The following BMS1 variants were observed in gnomAD, a reference collection of about 807,000 sequenced individuals.
BMS1 encodes BMS1 ribosome biogenesis factor, also known as ribosome biogenesis protein BMS1 homolog.
BMS1 carries 53 observed loss-of-function variants against 138.7 expected under a neutral mutation model. The observed-to-expected ratio is 0.38, with a 90% CI of 0.31 to 0.48. BMS1 has a LOEUF of 0.48. Ranked by LOEUF, BMS1 falls within the 20% of genes least tolerant of loss-of-function variation. The pLI, the probability that BMS1 is intolerant of heterozygous loss-of-function variation, is 0.97. For synonymous variants in BMS1, 504 were observed against 539.9 expected, an observed-to-expected ratio of 0.93 and a Z score of 0.92; for missense variants, 1,360 against 1,565.5, an observed-to-expected ratio of 0.87 and a Z score of 2.22.
Position 42,798,570 on chromosome 10 carries a change from C to T in BMS1, c.2192C>T (p.Ser731Phe), listed in dbSNP as rs1439227933. The part of the protein sequence containing the change: ...PDRECKHKAD[S>F]LDCSRFLVEA... ...AGAGAGTGTAAGCACAAGGCTGACTCTTTGGACTGCTCCAGATTTCTTGTG... is the reference window on the plus strand; with the variant it reads ...AGAGAGTGTAAGCACAAGGCTGACTTTTTGGACTGCTCCAGATTTCTTGTG... Residue 731 changes from serine to phenylalanine, a missense_variant, in exon 12 of 23, where the codon TCT becomes TTT. Physicochemically the swap from Ser to Phe is radical, Grantham distance 155. Coordinates refer to ENST00000374518, the MANE Select transcript of BMS1 (RefSeq NM_014753.4). 1.9e-6 allele frequency: 3 copies of T among 1,614,130 alleles called. No individual in the cohort carries two copies. In the African/African-American group the frequency reaches 4.0e-5, roughly 22 times the overall value.
At position 42,796,865 on chromosome 10, in the gene BMS1, A is replaced by T. The variant is rs768989153; in HGVS notation, c.1621A>T (p.Lys541Ter). ...AGGAGAGAAGGGCATTTCAGGATCA[A>T]AGGCTGCTGGAGAAGGTAGTAAAGC... Reference protein sequence around the residue: ...TAGEKGISGSKAAGEGSKAGL... With the variant: ...TAGEKGISGS Residue 541 changes from lysine (K) to a stop codon, truncating the protein, a stop_gained, in exon 10 of 23, where the codon AAG becomes TAG. Transcript: ENST00000374518. LOFTEE classifies it high-confidence loss of function. The T allele has an allele frequency of 6.2e-7, 1 of 1,614,236 alleles. No individual in the cohort carries two copies. Among genetic ancestry groups the T allele is most frequent in the Non-Finnish European group, 8.5e-7 (1 of 1,180,050 alleles).
At chr10:42,824,003 T>A (rs1842573398) in intron 21 of BMS1, among the ~76,000 whole-genome samples, 1 of 152,228 alleles carries the variant, frequency 6.6e-6, no homozygotes, top group Admixed American at 6.5e-5. Flanking sequence ...AACTTTTCTT[T>A]TTTAAAATAA....
At chr10:42,819,677 G>A (rs1265872651) in intron 15 of BMS1, among the ~76,000 whole-genome samples, 3 of 152,192 alleles carry the variant, frequency 2.0e-5, no homozygotes, top group Non-Finnish European at 2.9e-5. Context: ...TCCAGTGTTC[G>A]GGCATGCAGG....
At chr10:42,813,644 T>G (rs1417893314) in intron 13 of BMS1, among the ~76,000 whole-genome samples, 1 of 152,218 alleles carries the variant, frequency 6.6e-6, no homozygotes, top group East Asian at 1.9e-4. Context: ...TCCACATTTC[T>G]GGTCTTTCCT....
At chr10:42,786,001 G>A (rs1305048600) in intron 3 of BMS1, among the ~76,000 whole-genome samples, 1 of 152,170 alleles carries the variant, frequency 6.6e-6, no homozygotes, top group Non-Finnish European at 1.5e-5. Context: ...AGAAGGATGT[G>A]TGGTCCAGCC....
At chr10:42,808,275 TTTA>T (rs1291482087) in intron 13 of BMS1, among the ~76,000 whole-genome samples, 3 of 43,622 alleles carry the variant, frequency 6.9e-5, no homozygotes, top group African/African-American at 2.9e-4. Flanking sequence ...TTATTTTTTA[TTTA>T]TTTATTTATT....
chr10:42,797,637 A>G lies in BMS1; in HGVS notation c.2089+114A>G, dbSNP rs879069191. 10 of 977,196 alleles carry G rather than the reference A, an allele frequency of 1.0e-5. No homozygotes were observed. The South Asian group carries it at 1.4e-4, about 13-fold the overall frequency. The allele number at this position is 977,196 out of a possible 1,614,324, so 60.5% of individuals were successfully genotyped here. On this transcript the variant is annotated intron_variant, in intron 11 of 22. Transcript: ENST00000374518. ...TTGACATCCATAATTGCTGTCCATC[A>G]CATTTCATATTTGACAGATGTCTCT...
chr10:42,791,483 A>G, intron 5 of BMS1, 144 bp from the exon 6 acceptor site: 1 of 828,784 alleles, frequency 1.2e-6, no homozygotes, highest in Non-Finnish European at 1.8e-6. Flanking sequence ...GAAAGAAGCC[A>G]GCAAGGCTCT....
chr10:42,787,838 CA>C (rs1841384500), intron 4 of BMS1, among the ~76,000 whole-genome samples: 1 of 152,128 alleles, frequency 6.6e-6, no homozygotes, highest in South Asian at 2.1e-4. Flanking sequence ...AAAGTCTAGA[CA>C]GTCCTCAGTG....
In BMS1 at chr10:42,785,625, C is replaced by T. The variant is rs759091854; in HGVS notation, c.320C>T (p.Thr107Ile). 15 of 1,613,784 alleles carry T rather than the reference C, an allele frequency of 9.3e-6. No homozygotes were observed. The highest frequency in any genetic ancestry group is 1.3e-5 in the Non-Finnish European group (15 of 1,179,848). Residue 107 changes from threonine (T) to isoleucine (I), a missense_variant, in exon 3 of 23, where the codon ACC becomes ATC. By Grantham distance (89) the Thr-to-Ile change is moderately conservative. This residue lies in a region of BMS1 where 238 missense variants were observed against 311.1 expected (regional missense o/e 0.77). Transcript: ENST00000374518. ...ATACAATGCCTCATTCGGAACTTTA[C>T]CCGGCAGAAGTTGACTGAGATCAGA... ...TLIQCLIRNF[T>I]RQKLTEIRGP... is the part of the protein sequence containing the mutation.
At position 42,823,736 on chromosome 10, in the gene BMS1, G is replaced by A. The variant is rs1199288705; in HGVS notation, c.3408G>A (p.Arg1136=). 1.9e-6 allele frequency: 3 copies of A among 1,595,740 alleles called. No homozygotes were observed. The highest frequency in any genetic ancestry group is 2.5e-6 in the Non-Finnish European group (3 of 1,179,524). ...WSGMRTTGQL[R]LAHGVRLKAN... ...GAATGCGGACCACGGGCCAACTCAG[G>A]CTCGCCCATGGCGTCAGACTAAAGG... Residue 1136 remains arginine (R), a synonymous_variant, in exon 21 of 23, where the codon AGG becomes AGA. Transcript: ENST00000374518.
chr10:42,791,125 G>T (rs564223429), intron 5 of BMS1, among the ~76,000 whole-genome samples: 3 of 152,266 alleles, frequency 2.0e-5, no homozygotes, highest in Non-Finnish European at 4.4e-5. Context: ...TATGTGTTCA[G>T]TCTTTGGCCT....
At chr10:42,820,145 C>T in intron 15 of BMS1, 91 bp from the exon 16 acceptor site, 2 of 1,484,978 alleles carry the variant, frequency 1.3e-6, no homozygotes, top group South Asian at 2.5e-5. Flanking sequence ...TCCACAGTTC[C>T]TTTACTTAGA....
Position 42,798,492 on chromosome 10 carries a change from A to G in BMS1, c.2114A>G (p.Asp705Gly). Residue 705 changes from aspartate (D) to glycine (G), a missense_variant, in exon 12 of 23, where the codon GAT becomes GGT. Physicochemically the swap from Asp to Gly is moderately conservative, Grantham distance 94. Transcript: ENST00000374518. ...GTGACAGAAGATAATGAAGAAGAAG[A>G]TGATGATACTCTAGAAGAGCTTGGA... ...GTVTEDNEEE[D>G]DDTLEELGGL... 6.2e-7 allele frequency: 1 copy of G among 1,614,244 alleles called. No homozygotes were observed. Among genetic ancestry groups the G allele is most frequent in the Non-Finnish European group, 8.5e-7 (1 of 1,180,046 alleles).
chr10:42,812,654 A>G (rs189355215), intron 13 of BMS1, among the ~76,000 whole-genome samples: 8 of 152,298 alleles, frequency 5.3e-5, no homozygotes, highest in Non-Finnish European at 1.2e-4. Context: ...ACATATACCC[A>G]CAGCTCAGAG....
rs1036976896 is a variant in BMS1 at position 42,831,281 on chromosome 10, T to C, written c.*185T>C. ...CTGGGACTGGGTTCATTCTCATGAC[T>C]TGGGGCTGTCGAGATTTAAAGTGAT... is the stretch of plus-strand genomic sequence containing the variant. On this transcript the variant is annotated 3_prime_UTR_variant, in exon 23 of 23. Coordinates refer to ENST00000374518, the MANE Select transcript of BMS1 (RefSeq NM_014753.4). The C allele has an allele frequency of 9.6e-6, 6 of 628,080 alleles. No homozygotes were observed. The highest frequency in any genetic ancestry group is 6.1e-5 in the Admixed American group (2 of 32,928). 38.9% of individuals were successfully genotyped at this position (628,080 alleles called of 1,614,324 possible).
rs745958008 is a variant in BMS1, at chr10:42,797,409, T to C, written c.1988-13T>C. 6.2e-7 allele frequency: 1 copy of C among 1,613,868 alleles called. No homozygotes were observed. Among genetic ancestry groups the C allele is most frequent in the Non-Finnish European group, 8.5e-7 (1 of 1,179,768 alleles). On this transcript the variant is annotated splice_polypyrimidine_tract_variant and intron_variant, in intron 10 of 22. Coordinates refer to ENST00000374518, the MANE Select transcript of BMS1 (RefSeq NM_014753.4). Reference sequence around the variant, plus strand: ...GAATAAGCCTAACTGGAGGTTGGCATTGGTCGTTTCAGGTGCCCTCAAGTG... The same window carrying C: ...GAATAAGCCTAACTGGAGGTTGGCACTGGTCGTTTCAGGTGCCCTCAAGTG...
intron 12 of BMS1, among the ~76,000 whole-genome samples, chr10:42,798,841 T>C (rs1230699305): frequency 2.0e-5 from 3 of 152,224 alleles, no homozygotes; most frequent in Admixed American, 1.3e-4. Flanking sequence ...AGAGGACAGG[T>C]TCAGCTTTCA....
intron 9 of BMS1, 111 bp downstream of exon 9, chr10:42,794,102 T>G (rs763046860): frequency 9.5e-6 from 12 of 1,269,422 alleles, no homozygotes; most frequent in Non-Finnish European, 1.1e-5. Context: ...TATGTTGTTT[T>G]GTTTTTCTTT....
Sources: gnomAD v4.1 joint callset for allele counts (sites outside exome capture counted in the v4.1 genomes callset) on GRCh38, gnomAD v4.1.1 for gene constraint, gnomAD v4.1.1 regional missense constraint, MANE v1.5 for transcripts, NCBI Gene and HGNC (gene_info 2026-07-23, HGNC 2026-07-21) for gene names.